Variants in HLTF observed in about 807,000 individuals in gnomAD.
HLTF encodes the protein helicase like transcription factor.
A neutral mutation model predicts 129.4 loss-of-function variants in HLTF; 127 were observed. The ratio of observed to expected loss-of-function variants is 0.98; its 90% CI spans 0.85 to 1.14. The LOEUF (loss-of-function observed/expected upper bound fraction) is 1.14. Ranked by LOEUF, HLTF falls within the 50% of genes most tolerant of loss-of-function variation. The probability of loss-of-function intolerance (pLI) is 0.00; values close to 1 mark genes in which losing one functional copy is unlikely to be tolerated. For synonymous variants in HLTF, 332 were observed against 388.8 expected (o/e 0.85, Z 1.72); for missense variants, 1,139 against 1,187.1 (o/e 0.96, Z 0.60).
intron 20 of HLTF, among the ~76,000 whole-genome samples, chr3:149,040,614 A>G (rs1716050682): frequency 6.6e-6 from 1 of 152,094 alleles, no homozygotes. Context: ...TTCATTCCAA[A>G]GCAACATCTG....
Position 149,034,983 on chromosome 3 carries a change from C to A in HLTF, c.2812G>T (p.Ala938Ser). 1 of 1,613,512 alleles carries A rather than the reference C, an allele frequency of 6.2e-7. No individual in the cohort carries two copies. The highest frequency in any genetic ancestry group is 8.5e-7 in the Non-Finnish European group (1 of 1,179,400). The change falls in exon 24 of 25, where the codon GCT becomes TCT. Residue 938 changes from alanine (A) to serine (S), a missense_variant. Ala to Ser is a moderately conservative substitution (Grantham distance 99). Coordinates refer to ENST00000310053, the MANE Select transcript of HLTF (RefSeq NM_003071.4). The part of the protein sequence containing the change: ...FLMDPAWNPA[A>S]EDQCFDRCHR... ...CATCTGTCAAAGCACTGATCTTCAG[C>A]AGCAGGATTCCAGGCCTAACAAGAA...
At chr3:149,045,727 T>C (rs1716495162) in intron 18 of HLTF, among the ~76,000 whole-genome samples, 1 of 152,224 alleles carries the variant, frequency 6.6e-6, no homozygotes, top group South Asian at 2.1e-4. Flanking sequence ...CAGAATTTCA[T>C]ACCTTCTACC....
chr3:149,039,113 G>C lies in HLTF; in HGVS notation c.2732C>G (p.Ser911Cys), dbSNP rs201754257. 215 of 1,611,776 alleles carry C rather than the reference G, an allele frequency of 1.3e-4. No homozygotes were observed. Among genetic ancestry groups the C allele is most frequent in the Non-Finnish European group, 1.8e-4 (208 of 1,178,952 alleles). The change falls in exon 23 of 25, where the codon TCC (serine) becomes TGC (cysteine). Residue 911 changes from serine (S) to cysteine (C), a missense_variant. Ser to Cys is a moderately radical substitution (Grantham distance 112, BLOSUM62 -1). Transcript: ENST00000310053. ...CAAACCAACTCCACCTGCTTTTAAG[G>C]ACAGAAGCATTATAGTTGGAGATCC... The part of the protein sequence containing the change: ...EAGSPTIMLL[S>C]LKAGGVGLNL...
intron 15 of HLTF, 105 bp from the exon 16 acceptor site, chr3:149,049,106 T>C (rs1470677679): frequency 2.7e-6 from 2 of 731,020 alleles, no homozygotes; most frequent in East Asian, 2.7e-5. Context: ...AAATTTACTA[T>C]GTGCTAGGTA....
At chr3:149,063,318 C>A in intron 10 of HLTF, 113 bp downstream of exon 10, 1 of 699,146 alleles carries the variant, frequency 1.4e-6, no homozygotes. Flanking sequence ...CCTCGGCCTC[C>A]CAAAGTGCTG....
At position 149,048,972 on chromosome 3, in the gene HLTF, T is replaced by G; in HGVS notation, c.1647A>C (p.Ile549=). The G allele has an allele frequency of 6.2e-7, 1 of 1,607,962 alleles. No homozygotes were observed. Among genetic ancestry groups the G allele is most frequent in the South Asian group, 1.1e-5 (1 of 90,944 alleles). ...GTKGDSPLHS[I]RWLRVILDEG... Reference sequence around the variant, plus strand: ...CATCCAGGATCACTCTTAGCCACCTTATGCTATGTAATGGACTATCTCCTT... The same window carrying G: ...CATCCAGGATCACTCTTAGCCACCTGATGCTATGTAATGGACTATCTCCTT... The change falls in exon 16 of 25, where the codon ATA becomes ATC. Residue 549 remains isoleucine, a synonymous_variant. Transcript: ENST00000310053.
chr3:149,076,374 C>T (rs1268369963), intron 2 of HLTF, among the ~76,000 whole-genome samples: 2 of 152,186 alleles, frequency 1.3e-5, no homozygotes, highest in Non-Finnish European at 2.9e-5. Flanking sequence ...TGAGCGCTTA[C>T]TATGTGCCAA....
chr3:149,040,976 A>C (rs1716084851), intron 20 of HLTF, among the ~76,000 whole-genome samples: 2 of 152,154 alleles, frequency 1.3e-5, no homozygotes, highest in Admixed American at 1.3e-4. Context: ...CACACAAAAG[A>C]ATCTAGACCT....
At chr3:149,037,785 G>T (rs528681238) in intron 23 of HLTF, among the ~76,000 whole-genome samples, 1 of 152,136 alleles carries the variant, frequency 6.6e-6, no homozygotes, top group African/African-American at 2.4e-5. Flanking sequence ...ACAGCAGAGG[G>T]TTGCCTTTAG....
At chr3:149,033,071 A>T (rs1715269872) in intron 24 of HLTF, among the ~76,000 whole-genome samples, 1 of 152,106 alleles carries the variant, frequency 6.6e-6, no homozygotes, top group Non-Finnish European at 1.5e-5. Flanking sequence ...CTCATTCCTG[A>T]TAAAAACTTG....
Position 149,060,659 on chromosome 3 carries a change from A to T in HLTF, c.1269T>A (p.Thr423=), listed in dbSNP as rs1717853600. 4 of 1,612,970 alleles carry T rather than the reference A, an allele frequency of 2.5e-6. No individual in the cohort carries two copies. The highest frequency in any genetic ancestry group is 2.2e-5 in the East Asian group (1 of 44,762). ...KGKLKNVQSE[T]KGRAKAGSSK... is the part of the protein sequence containing the mutation. ...TACACATACCTTTCGCCCTGCCTTTAGTTTCAGACTGTACATTTTTCAGTT... is the reference window on the plus strand; with the variant it reads ...TACACATACCTTTCGCCCTGCCTTTTGTTTCAGACTGTACATTTTTCAGTT... The change falls in exon 12 of 25, where the codon ACT becomes ACA. Residue 423 remains threonine, a synonymous_variant. Transcript: ENST00000310053.
In HLTF at chr3:149,048,882, T is replaced by C. The variant is rs141704206; in HGVS notation, c.1737A>G (p.Glu579=). 603 of 1,613,450 alleles carry C rather than the reference T, an allele frequency of 3.7e-4. No individual in the cohort carries two copies. The African/African-American group carries it at 7.4e-3, about 20-fold the overall frequency. Residue 579 remains glutamate (E), a synonymous_variant, in exon 16 of 25, where the codon GAA becomes GAG. Coordinates refer to ENST00000310053, the MANE Select transcript of HLTF (RefSeq NM_003071.4). ...GATTACCTGTCAAAACCCATCTTCT[T>C]TCTGATTCTAAGTCAAGTACAGCTT... The part of the protein sequence containing the change: ...QTKAVLDLES[E]RRWVLTGTPI...
intron 24 of HLTF, among the ~76,000 whole-genome samples, chr3:149,032,982 A>C (rs1715259806): frequency 6.6e-6 from 1 of 151,330 alleles, no homozygotes; most frequent in Non-Finnish European, 1.5e-5. Context: ...AAAAAACAAA[A>C]AACTATTCCC....
Position 149,075,865 on chromosome 3 carries a change from T to G in HLTF, c.395+16A>C. On this transcript the variant is annotated intron_variant, in intron 3 of 24. Transcript: ENST00000310053. ...TAATTCACAATTATTAAAACTAAAT[T>G]CTGAAAGTACATTACCCTTCAATTT... 6.4e-7 allele frequency: 1 copy of G among 1,567,098 alleles called. No homozygotes were observed. The highest frequency in any genetic ancestry group is 1.2e-5 in the South Asian group (1 of 84,434).
chr3:149,045,490 A>G (rs1299713144), intron 18 of HLTF, among the ~76,000 whole-genome samples: 2 of 152,186 alleles, frequency 1.3e-5, no homozygotes, highest in Non-Finnish European at 2.9e-5. Context: ...CACTTAATAA[A>G]TTTTTGTTGA....
intron 14 of HLTF, among the ~76,000 whole-genome samples, chr3:149,053,367 G>A (rs957930865): frequency 2.6e-5 from 4 of 152,026 alleles, no homozygotes; most frequent in African/African-American, 7.3e-5. Flanking sequence ...AAGTCCACAC[G>A]AGATCTGGTT....
intron 19 of HLTF, 160 bp from the exon 20 acceptor site, chr3:149,041,828 T>G (rs752565849): frequency 1.6e-6 from 1 of 620,666 alleles, no homozygotes; most frequent in Non-Finnish European, 2.8e-6. Context: ...TAAGAAACAT[T>G]CAGAAGCCAA....
intron 18 of HLTF, among the ~76,000 whole-genome samples, chr3:149,043,360 A>T (rs1471775844): frequency 6.6e-6 from 1 of 151,838 alleles, no homozygotes; most frequent in African/African-American, 2.4e-5. Context: ...AAATAAAATG[A>T]TACCTATGGA....
At chr3:149,037,198 C>T (rs1399423290) in intron 23 of HLTF, among the ~76,000 whole-genome samples, 1 of 152,190 alleles carries the variant, frequency 6.6e-6, no homozygotes, top group Middle Eastern at 3.4e-3. Context: ...CGGCTGGGCG[C>T]GGTGGCTCAT....
Sources: gnomAD v4.1 joint callset for allele counts (sites outside exome capture counted in the v4.1 genomes callset) on GRCh38, gnomAD v4.1.1 for gene constraint, MANE v1.5 for transcripts, NCBI Gene and HGNC (gene_info 2026-07-23, HGNC 2026-07-21) for gene names.